ASIC2: variants seen among roughly 807,000 people sequenced by gnomAD.
ASIC2 encodes acid-sensing ion channel 2.
ASIC2 carries 25 observed loss-of-function variants against 57.3 expected under a neutral mutation model. That is an observed-to-expected ratio of 0.44 (90% CI 0.32 to 0.61). The LOEUF (loss-of-function observed/expected upper bound fraction) is 0.61, where lower values mean the gene tolerates loss of function less well. Ranked by LOEUF, ASIC2 falls within the 20% of genes least tolerant of loss-of-function variation. The probability of loss-of-function intolerance (pLI) is 0.06; values close to 1 mark genes in which losing one functional copy is unlikely to be tolerated. For missense variants in ASIC2, 641 were observed against 738.1 expected, an observed-to-expected ratio of 0.87 and a Z score of 1.52; for synonymous variants, 319 against 307.5, an observed-to-expected ratio of 1.04 and a Z score of -0.39.
At chr17:33,065,518 T>C (rs573847714) in intron 3 of ASIC2, among the ~76,000 whole-genome samples, 1 of 152,290 alleles carries the variant, frequency 6.6e-6, no homozygotes, top group African/African-American at 2.4e-5. Flanking sequence ...GGTCTTGCTT[T>C]GTCGCCCAGG....
At chr17:34,116,345 T>C (rs1313978420) in intron 1 of ASIC2, among the ~76,000 whole-genome samples, 1 of 152,188 alleles carries the variant, frequency 6.6e-6, no homozygotes, top group South Asian at 2.1e-4. Flanking sequence ...AGGAAGGTAA[T>C]AGATAGAACC....
intron 1 of ASIC2, chr17:33,955,231 C>T (rs1229273765): frequency 6.6e-6 from 1 of 152,182 alleles, no homozygotes; most frequent in East Asian, 1.9e-4. Context: ...GTTCTGGGCA[C>T]CATGGAAGTA....
At chr17:34,018,891 A>G (rs962151526) in intron 1 of ASIC2, among the ~76,000 whole-genome samples, 24 of 152,104 alleles carry the variant, frequency 1.6e-4, no homozygotes, top group African/African-American at 5.8e-4. Context: ...TAGATGAGCA[A>G]ATAAAGTGAC....
intron 1 of ASIC2, among the ~76,000 whole-genome samples, chr17:34,138,144 C>T (rs559811067): frequency 1.8e-4 from 27 of 152,076 alleles, no homozygotes; most frequent in Non-Finnish European, 3.2e-4. Flanking sequence ...GGGGAGTGCA[C>T]GAGACCATGA....
At chr17:33,024,235 A>C (rs1339648358) in intron 5 of ASIC2, among the ~76,000 whole-genome samples, 1 of 152,168 alleles carries the variant, frequency 6.6e-6, no homozygotes, top group Non-Finnish European at 1.5e-5. Flanking sequence ...CTCTTTAAAA[A>C]TTGTTGAAAT....
At chr17:33,628,293 C>CTT (rs796936645) in intron 1 of ASIC2, among the ~76,000 whole-genome samples, 2 of 143,498 alleles carry the variant, frequency 1.4e-5, no homozygotes, top group Non-Finnish European at 1.5e-5. Flanking sequence ...CCTGTCTGGT[C>CTT]TTTTTTTTTT....
intron 1 of ASIC2, among the ~76,000 whole-genome samples, chr17:33,608,344 G>T (rs1437205195): frequency 2.0e-5 from 3 of 151,508 alleles, no homozygotes; most frequent in Non-Finnish European, 4.4e-5. Flanking sequence ...CCAGTCTGCT[G>T]CTCCTTCCAG....
chr17:33,348,427 C>A (rs1908036387), intron 1 of ASIC2, among the ~76,000 whole-genome samples: 1 of 152,072 alleles, frequency 6.6e-6, no homozygotes, highest in Non-Finnish European at 1.5e-5. Context: ...AGATTACAGG[C>A]ACATGAGAGA....
intron 1 of ASIC2, among the ~76,000 whole-genome samples, chr17:34,099,292 GAAGAAAGAAAGAGA>G (rs919251316): frequency 3.6e-5 from 5 of 140,286 alleles, no homozygotes; most frequent in African/African-American, 8.0e-5. Context: ...AGAAAGGAAG[GAAGAAAGAAAGAGA>G]AAGAAAGAAA....
intron 1 of ASIC2, among the ~76,000 whole-genome samples, chr17:33,659,767 G>T (rs2142043715): frequency 6.6e-6 from 1 of 152,078 alleles, no homozygotes; most frequent in Admixed American, 6.5e-5. Context: ...AGCTACTGGG[G>T]AGGCTGAGGC....
chr17:33,888,187 G>C (rs925669250), intron 1 of ASIC2, among the ~76,000 whole-genome samples: 1 of 152,136 alleles, frequency 6.6e-6, no homozygotes, highest in African/African-American at 2.4e-5. Flanking sequence ...ACAGATGGTA[G>C]TGTGAGAGTA....
At chr17:33,790,189 A>C (rs1423241600) in intron 1 of ASIC2, among the ~76,000 whole-genome samples, 1 of 152,230 alleles carries the variant, frequency 6.6e-6, no homozygotes, top group East Asian at 1.9e-4. Context: ...GAATTCATGA[A>C]AATTCTTGAA....
chr17:34,006,278 T>A (rs1305385881), intron 1 of ASIC2: 2 of 152,284 alleles, frequency 1.3e-5, no homozygotes, highest in African/African-American at 4.8e-5. Context: ...AATCAGCATG[T>A]GCAAAAGTTC....
At chr17:33,018,797 CA>C (rs66650207) in intron 7 of ASIC2, among the ~76,000 whole-genome samples, 24,571 of 151,710 alleles carry the variant, frequency 0.16, 2,198 homozygotes, top group Non-Finnish European at 0.18. Context: ...CTAAGACTCT[CA>C]GTCTCTGGAA....
chr17:34,059,417 G>GTTTA (rs2142059563), intron 1 of ASIC2, among the ~76,000 whole-genome samples: 1 of 152,318 alleles, frequency 6.6e-6, no homozygotes, highest in East Asian at 1.9e-4. Context: ...GAGGAGCAGA[G>GTTTA]GGTAAAACTC....
intron 1 of ASIC2, among the ~76,000 whole-genome samples, chr17:34,135,619 C>G (rs1157004754): frequency 1.3e-5 from 2 of 152,112 alleles, no homozygotes; most frequent in Non-Finnish European, 2.9e-5. Flanking sequence ...TAAATCTTCC[C>G]TTTACACCTT....
chr17:34,040,121 C>T (rs1398104034), intron 1 of ASIC2, among the ~76,000 whole-genome samples: 17 of 112,090 alleles, frequency 1.5e-4, no homozygotes, highest in Admixed American at 2.6e-4. Context: ...GCGCCCGACG[C>T]GGCCCCGGGC....
At position 33,765,354 on chromosome 17, in the gene ASIC2, C is replaced by T. The variant is rs899863127; in HGVS notation, c.555+390624G>A. 1.4e-4 allele frequency among the ~76,000 whole-genome samples: 21 copies of T among 152,180 alleles called. No individual in the cohort carries two copies. In the Middle Eastern group the frequency reaches 0.01, roughly 74 times the overall value. ...CGACCTCCTGACCTCGTGATCCACC[C>T]GCCTCGGCCTCCCAAAGTGCTGGGA... is the stretch of plus-strand genomic sequence containing the variant. On this transcript the variant is annotated intron_variant, in intron 1 of 9. Transcript: ENST00000359872.
intron 1 of ASIC2, among the ~76,000 whole-genome samples, chr17:34,013,520 A>G (rs1371637242): frequency 1.3e-5 from 2 of 152,210 alleles, no homozygotes; most frequent in Admixed American, 1.3e-4. Context: ...CTAGCATAGA[A>G]GATGCAGAAT....
Sources: gnomAD v4.1 joint callset for allele counts (sites outside exome capture counted in the v4.1 genomes callset) on GRCh38, gnomAD v4.1.1 for gene constraint, MANE v1.5 for transcripts, NCBI Gene and HGNC (gene_info 2026-07-23, HGNC 2026-07-21) for gene names.